PRRC2C: variants seen among roughly 807,000 people sequenced by gnomAD.
The protein encoded by PRRC2C is proline rich coiled-coil 2C.
PRRC2C carries 72 observed loss-of-function variants against 317.2 expected under a neutral mutation model. The ratio of observed to expected loss-of-function variants is 0.23; its 90% CI spans 0.19 to 0.28. PRRC2C has a LOEUF of 0.28. Among genes scored for constraint, PRRC2C ranks in the 10% least tolerant of loss-of-function variants. PRRC2C has a pLI of 1.00. For missense variants in PRRC2C, 3,074 were observed against 3,459.7 expected (o/e 0.89, Z 2.80); for synonymous variants, 1,296 against 1,205.9 (o/e 1.07, Z -1.55).
At chr1:171,524,270 G>A (rs1674146859) in intron 9 of PRRC2C, among the ~76,000 whole-genome samples, 1 of 151,892 alleles carries the variant, frequency 6.6e-6, no homozygotes, top group South Asian at 2.1e-4. Context: ...CCTTCATTCT[G>A]GAATATTGGA....
At chr1:171,502,440 C>T (rs544462718) in intron 1 of PRRC2C, among the ~76,000 whole-genome samples, 2 of 152,174 alleles carry the variant, frequency 1.3e-5, no homozygotes, top group South Asian at 4.2e-4. Context: ...ACTCCTGTCC[C>T]CTTTTCAGAG....
intron 17 of PRRC2C, among the ~76,000 whole-genome samples, chr1:171,548,863 CTTTA>C (rs1679660478): frequency 6.6e-6 from 1 of 152,126 alleles, no homozygotes; most frequent in Admixed American, 6.6e-5. Flanking sequence ...TTATTCATTT[CTTTA>C]TTTATTGAGA....
chr1:171,531,220 T>C (rs1675801497), intron 11 of PRRC2C, among the ~76,000 whole-genome samples: 1 of 152,162 alleles, frequency 6.6e-6, no homozygotes. Flanking sequence ...AGAGGAGTGA[T>C]GGAAATGTTG....
chr1:171,541,629 A>G lies in PRRC2C; in HGVS notation c.4163A>G (p.Glu1388Gly), dbSNP rs1393841999. 7.4e-6 allele frequency: 12 copies of G among 1,613,800 alleles called. No individual in the cohort carries two copies. The highest frequency in any genetic ancestry group is 1.6e-4 in the Middle Eastern group (1 of 6,062). The change falls in exon 16 of 35, where the codon GAA becomes GGA. Residue 1388 changes from glutamate to glycine, a missense_variant. By Grantham distance (98) the Glu-to-Gly change is moderately conservative (BLOSUM62 -2). Coordinates refer to ENST00000647382, the MANE Select transcript of PRRC2C (RefSeq NM_001387844.1). The surrounding 1 kb of genome is among the most constrained non-coding windows in gnomAD (Gnocchi z 4.1). Reference sequence around the variant, plus strand: ...AGGCAGTCAGAAGTTCCTAAACCAGAAGATGGAGAGCCGCCAAGAAGACAT... The same window carrying G: ...AGGCAGTCAGAAGTTCCTAAACCAGGAGATGGAGAGCCGCCAAGAAGACAT... Reference protein sequence around the residue: ...NPRQSEVPKPEDGEPPRRHEQ... With the variant: ...NPRQSEVPKPGDGEPPRRHEQ...
rs1179471794 is a variant in PRRC2C at position 171,557,601 on chromosome 1, T to C, written c.5489T>C (p.Ile1830Thr). 6.4e-7 allele frequency: 1 copy of C among 1,551,566 alleles called. No individual in the cohort carries two copies. Among genetic ancestry groups the C allele is most frequent in the Non-Finnish European group, 8.7e-7 (1 of 1,146,950 alleles). Reference sequence around the variant, plus strand: ...CCAGCCTCTACTTCAGCTGCAGCTATAACCTCTTCTTCAGCTCCAGCCTCA... The same window carrying C: ...CCAGCCTCTACTTCAGCTGCAGCTACAACCTCTTCTTCAGCTCCAGCCTCA... ...SVPASTSAAA[I>T]TSSSAPASAP... Residue 1830 changes from isoleucine (I) to threonine (T), a missense_variant, in exon 19 of 35, where the codon ATA becomes ACA. Physicochemically the swap from Ile to Thr is moderately conservative, Grantham distance 89 (BLOSUM62 -1). Coordinates refer to ENST00000647382, the MANE Select transcript of PRRC2C (RefSeq NM_001387844.1).
intron 24 of PRRC2C, 69 bp from the exon 25 acceptor site, chr1:171,574,858 C>G (rs1685425896): frequency 7.5e-7 from 1 of 1,338,314 alleles, no homozygotes. Flanking sequence ...AATACTGATA[C>G]ATGTATATAC....
intron 24 of PRRC2C, 132 bp from the exon 25 acceptor site, chr1:171,574,795 C>T: frequency 1.2e-6 from 1 of 857,604 alleles, no homozygotes; most frequent in Admixed American, 2.7e-5. Context: ...CTTAGATTTT[C>T]TTTAAATATC....
At chr1:171,538,639 GATTAGAA>G (rs1677306526) in intron 15 of PRRC2C, among the ~76,000 whole-genome samples, 1 of 152,178 alleles carries the variant, frequency 6.6e-6, no homozygotes, top group Non-Finnish European at 1.5e-5. Context: ...GGTCTTGATG[GATTAGAA>G]ATTCACATCA....
At chr1:171,502,727 G>A (rs1669355440) in intron 1 of PRRC2C, among the ~76,000 whole-genome samples, 1 of 152,066 alleles carries the variant, frequency 6.6e-6, no homozygotes, top group African/African-American at 2.4e-5. Context: ...TTAAAAGGAC[G>A]TTGATTGTTG....
In PRRC2C at chr1:171,553,605, AG is replaced by A. The variant is rs529881925; in HGVS notation, c.5127+3366del. ...TTCCTGCTTTCTCTTTTGGGCACTT[AG>A]TGCTATAAATTTCCCTCTACACACT... On this transcript the variant is annotated intron_variant, in intron 18 of 34. Transcript: ENST00000647382. 6.7e-4 allele frequency among the ~76,000 whole-genome samples: 102 copies of A among 152,252 alleles called. 2 individuals carry two copies. In the South Asian group the frequency reaches 0.017, roughly 25 times the overall value.
chr1:171,573,506 C>T (rs1685132344), intron 24 of PRRC2C, among the ~76,000 whole-genome samples: 1 of 151,980 alleles, frequency 6.6e-6, no homozygotes, highest in South Asian at 2.1e-4. Flanking sequence ...CATTTGAAAT[C>T]AACCAAGTGA....
rs150431978 is a variant in PRRC2C at position 171,554,028 on chromosome 1, C to A, written c.5128-3212C>A. 6.7e-3 allele frequency among the ~76,000 whole-genome samples: 1,015 copies of A among 152,210 alleles called. 3 individuals carry two copies. The highest frequency in any genetic ancestry group is 0.011 in the Non-Finnish European group (726 of 67,994). On this transcript the variant is annotated intron_variant, in intron 18 of 34. Transcript: ENST00000647382. ...TTCAAGTCCTGGATATCCTTGTTAA[C>A]CTTCTGTCTCATTGATCTGTCTAAT...
chr1:171,489,201 G>T (rs927389554), intron 1 of PRRC2C, among the ~76,000 whole-genome samples: 25 of 152,188 alleles, frequency 1.6e-4, no homozygotes, highest in Admixed American at 5.9e-4. Flanking sequence ...AAAAGAAAAT[G>T]CTGTCAGGTT....
chr1:171,557,177 C>G, intron 18 of PRRC2C, 63 bp from the exon 19 acceptor site: 1 of 1,463,858 alleles, frequency 6.8e-7, no homozygotes, highest in South Asian at 1.5e-5. Flanking sequence ...TTAAAAGTTG[C>G]ATTTATGAAC....
intron 23 of PRRC2C, among the ~76,000 whole-genome samples, chr1:171,571,005 C>CCTTTTTA (rs1684689743): frequency 6.6e-6 from 1 of 152,156 alleles, no homozygotes; most frequent in Non-Finnish European, 1.5e-5. Context: ...TATCAGCATC[C>CCTTTTTA]TCAGGTGATT....
At chr1:171,577,736 T>A in intron 26 of PRRC2C, 99 bp downstream of exon 26, 1 of 978,500 alleles carries the variant, frequency 1.0e-6, no homozygotes, top group Non-Finnish European at 1.5e-6. Context: ...AGCATAAGGC[T>A]CTTAAAGTAC....
intron 1 of PRRC2C, among the ~76,000 whole-genome samples, chr1:171,495,728 T>C (rs1667971319): frequency 1.3e-5 from 2 of 152,214 alleles, no homozygotes; most frequent in South Asian, 4.1e-4. Flanking sequence ...ATTTGGGCTT[T>C]TTTATTTTAA....
In PRRC2C at chr1:171,545,479, GC is replaced by G; in HGVS notation, c.4766del (p.Pro1589HisfsTer73). Reference protein sequence around the residue: ...GPPSKSGKRGPFDDQPAGTTG... With the variant: ...GPPSKSGKRGXFDDQPAGTTG... ...AATATCTCAAGTTATTTTTTTGTAG[GC>G]CATTTGATGACCAGCCTGCAGGCAC... On this transcript the variant is annotated frameshift_variant and splice_region_variant, in exon 17 of 35. Coordinates refer to ENST00000647382, the MANE Select transcript of PRRC2C (RefSeq NM_001387844.1). LOFTEE classifies it high-confidence loss of function. The G allele has an allele frequency of 6.4e-7, 1 of 1,554,078 alleles. No individual in the cohort carries two copies. Among genetic ancestry groups the G allele is most frequent in the Non-Finnish European group, 8.7e-7 (1 of 1,149,128 alleles).
Position 171,577,769 on chromosome 1 carries a change from G to A in PRRC2C, c.7159+132G>A, listed in dbSNP as rs930485953. The A allele has an allele frequency of 7.6e-5, 38 of 502,362 alleles. 1 individual carries two copies. In the Middle Eastern group the frequency reaches 2.6e-3, roughly 34 times the overall value. 31.1% of individuals were successfully genotyped at this position (502,362 alleles called of 1,614,324 possible). On this transcript the variant is annotated intron_variant, in intron 26 of 34. Transcript: ENST00000647382. ...TACATTGCTGTAAATATTTAAATTC[G>A]CATTTTTTTTTTTTTTTTTTTTTTT...
Sources: allele counts gnomAD v4.1 joint callset (sites outside exome capture counted in the v4.1 genomes callset), GRCh38; gene constraint gnomAD v4.1.1; non-coding constraint Gnocchi (gnomAD v3.1); transcripts MANE v1.5; gene names NCBI Gene and HGNC (gene_info 2026-07-23, HGNC 2026-07-21).